The following GRM3 variants were observed in gnomAD, a reference collection of about 807,000 sequenced individuals.
The protein encoded by GRM3 is metabotropic glutamate receptor 3.
In GRM3, 26 loss-of-function variants were observed where a neutral mutation model predicts 70.5. That is an observed-to-expected ratio of 0.37 (90% CI 0.27 to 0.51). The LOEUF is 0.51. Ranked by LOEUF, GRM3 falls within the 20% of genes least tolerant of loss-of-function variation. The pLI is 0.93. For synonymous variants in GRM3, 443 were observed against 434.9 expected (o/e 1.02, Z -0.23); for missense variants, 859 against 1,123.8 (o/e 0.76, Z 3.37).
chr7:86,826,226 G>T (rs1183910554), intron 3 of GRM3, among the ~76,000 whole-genome samples: 1 of 152,128 alleles, frequency 6.6e-6, no homozygotes, highest in African/African-American at 2.4e-5. Flanking sequence ...TGGGCGCTCC[G>T]GTTTGTGCTG....
chr7:86,805,069 A>C (rs1797761105), intron 3 of GRM3, among the ~76,000 whole-genome samples: 1 of 152,104 alleles, frequency 6.6e-6, no homozygotes, highest in African/African-American at 2.4e-5. Context: ...AGCCATGATC[A>C]CACCACTGCA....
At chr7:86,672,014 T>A (rs890723816) in intron 1 of GRM3, among the ~76,000 whole-genome samples, 3 of 152,298 alleles carry the variant, frequency 2.0e-5, no homozygotes, top group East Asian at 1.9e-4. Context: ...TTGCTGCCAC[T>A]TCTCTGGGGG....
chr7:86,839,138 G>A lies in GRM3; in HGVS notation c.1624G>A (p.Asp542Asn), dbSNP rs2116735674. 6.2e-7 allele frequency: 1 copy of A among 1,614,138 alleles called. No individual in the cohort carries two copies. The highest frequency in any genetic ancestry group is 8.5e-7 in the Non-Finnish European group (1 of 1,179,986). Residue 542 changes from aspartate to asparagine, a missense_variant, in exon 4 of 6, where the codon GAT becomes AAT. Asp to Asn is a conservative substitution (Grantham distance 23, BLOSUM62 1). Transcript: ENST00000361669. The surrounding 1 kb of genome is among the most constrained non-coding windows in gnomAD (Gnocchi z 4.5). ...IPCEPYEYLA[D>N]EFTCMDCGSG... ...CTGTGAACCCTACGAATACCTGGCTGATGAGTTTACCTGTATGGATTGTGG... is the reference window on the plus strand; with the variant it reads ...CTGTGAACCCTACGAATACCTGGCTAATGAGTTTACCTGTATGGATTGTGG...
At chr7:86,646,899 G>A (rs541270991) in intron 1 of GRM3, among the ~76,000 whole-genome samples, 1 of 151,904 alleles carries the variant, frequency 6.6e-6, no homozygotes, top group Non-Finnish European at 1.5e-5. Flanking sequence ...AAAAAGTTGT[G>A]GTATACATGT....
intron 1 of GRM3, among the ~76,000 whole-genome samples, chr7:86,681,679 A>G (rs555624815): frequency 6.6e-6 from 1 of 152,238 alleles, no homozygotes; most frequent in African/African-American, 2.4e-5. Context: ...ATATATTTGA[A>G]TGCTGAGGTA....
At chr7:86,802,296 AG>A (rs1797700484) in intron 3 of GRM3, among the ~76,000 whole-genome samples, 1 of 152,124 alleles carries the variant, frequency 6.6e-6, no homozygotes, top group Non-Finnish European at 1.5e-5. Context: ...TAAAAAGAAA[AG>A]AAAAAAAAAC....
chr7:86,841,231 G>T (rs1056337977), intron 4 of GRM3, among the ~76,000 whole-genome samples: 2 of 152,138 alleles, frequency 1.3e-5, no homozygotes, highest in African/African-American at 4.8e-5. Context: ...AAAGTATATT[G>T]TATCTATTCG....
intron 1 of GRM3, among the ~76,000 whole-genome samples, chr7:86,669,803 A>T (rs1200494023): frequency 6.6e-6 from 1 of 152,176 alleles, no homozygotes; most frequent in Non-Finnish European, 1.5e-5. Flanking sequence ...CTTTATGATT[A>T]AGCTTAAGAA....
chr7:86,747,934 T>G (rs1355359756), intron 1 of GRM3, among the ~76,000 whole-genome samples: 1 of 152,080 alleles, frequency 6.6e-6, no homozygotes, highest in Non-Finnish European at 1.5e-5. Flanking sequence ...AGCCTGGAGC[T>G]AACGTTTGCG....
At chr7:86,704,267 T>G (rs1351825339) in intron 1 of GRM3, among the ~76,000 whole-genome samples, 1 of 151,958 alleles carries the variant, frequency 6.6e-6, no homozygotes, top group Non-Finnish European at 1.5e-5. Context: ...TAGAATGAAT[T>G]ATTCTCAAGT....
chr7:86,761,771 C>G (rs1451976170), intron 1 of GRM3, among the ~76,000 whole-genome samples: 1 of 152,058 alleles, frequency 6.6e-6, no homozygotes, highest in Admixed American at 6.6e-5. Context: ...GTAACAGGCT[C>G]TATTAATCTG....
intron 5 of GRM3, among the ~76,000 whole-genome samples, chr7:86,859,868 G>C (rs1008620414): frequency 5.9e-5 from 9 of 152,194 alleles, no homozygotes; most frequent in African/African-American, 2.2e-4. Flanking sequence ...ATTTTGCAGA[G>C]CAAGACAAAG....
At chr7:86,707,628 T>C (rs891453023) in intron 1 of GRM3, among the ~76,000 whole-genome samples, 6 of 152,112 alleles carry the variant, frequency 3.9e-5, no homozygotes, top group Non-Finnish European at 7.4e-5. Flanking sequence ...GTGGATAAAG[T>C]GGCTTGTAAT....
chr7:86,855,971 G>A (rs978257038), intron 5 of GRM3, among the ~76,000 whole-genome samples: 1 of 152,090 alleles, frequency 6.6e-6, no homozygotes, highest in Non-Finnish European at 1.5e-5. Flanking sequence ...CAAGGTATTT[G>A]GTAATACAAA....
intron 1 of GRM3, among the ~76,000 whole-genome samples, chr7:86,714,126 G>A (rs1475929174): frequency 2.0e-5 from 3 of 151,960 alleles, no homozygotes; most frequent in Non-Finnish European, 4.4e-5. Context: ...TCCTACCAAT[G>A]TCTGGCATCA....
At chr7:86,740,785 A>G (rs1007390177) in intron 1 of GRM3, among the ~76,000 whole-genome samples, 5 of 143,698 alleles carry the variant, frequency 3.5e-5, no homozygotes, top group Non-Finnish European at 7.6e-5. Flanking sequence ...CTTCCAACTC[A>G]CTTCATTTCA....
chr7:86,703,490 T>C (rs1458762284), intron 1 of GRM3, among the ~76,000 whole-genome samples: 1 of 151,958 alleles, frequency 6.6e-6, no homozygotes, highest in African/African-American at 2.4e-5. Context: ...TCAAAGGTAA[T>C]TGAAACACAT....
intron 2 of GRM3, chr7:86,784,314 A>G (rs1797165755): frequency 6.6e-6 from 1 of 152,180 alleles, no homozygotes; most frequent in African/African-American, 2.4e-5. Flanking sequence ...GCTGCCAGAA[A>G]ATAATGTCCA....
At chr7:86,698,535 T>TATATATATATATATATATATATATAA (rs1562829875) in intron 1 of GRM3, among the ~76,000 whole-genome samples, 15 of 142,130 alleles carry the variant, frequency 1.1e-4, no homozygotes, top group African/African-American at 4.2e-4. Context: ...TATATATATA[T>TATATATATATATATATATATATATAA]ATAAAATACA....
Sources: gnomAD v4.1 joint callset for allele counts (sites outside exome capture counted in the v4.1 genomes callset) on GRCh38, gnomAD v4.1.1 for gene constraint, Gnocchi (gnomAD v3.1) non-coding constraint, MANE v1.5 for transcripts, NCBI Gene and HGNC (gene_info 2026-07-23, HGNC 2026-07-21) for gene names.